Variants in PDE2A observed in about 807,000 individuals in gnomAD.
The protein encoded by PDE2A is cGMP-dependent 3',5'-cyclic phosphodiesterase.
In PDE2A, 53 loss-of-function variants were observed where a neutral mutation model predicts 133.6. The ratio of observed to expected loss-of-function variants is 0.40; its 90% confidence interval spans 0.32 to 0.50. PDE2A has a LOEUF of 0.50. PDE2A is among the 20% of genes least tolerant of loss of function. PDE2A has a pLI of 0.73. For synonymous variants in PDE2A, 491 were observed against 490.2 expected (o/e 1.00, Z -0.02); for missense variants, 796 against 1,232.4 (o/e 0.65, Z 5.30).
intron 2 of PDE2A, chr11:72,631,259 C>T: frequency 1.5e-6 from 1 of 688,766 alleles, no homozygotes; most frequent in African/African-American, 1.8e-5. Flanking sequence ...GGGAGCCTTG[C>T]CTGCTTGCAC....
chr11:72,580,721 C>T (rs1855687374), intron 24 of PDE2A, 97 bp from the exon 25 acceptor site: 1 of 1,111,352 alleles, frequency 9.0e-7, no homozygotes, highest in Non-Finnish European at 1.3e-6. Flanking sequence ...ACCTTTCTCC[C>T]CTCCTCCCTA....
At chr11:72,631,112 G>A in intron 2 of PDE2A, 1 of 1,547,816 alleles carries the variant, frequency 6.5e-7, no homozygotes. Flanking sequence ...TGGGGGTCCT[G>A]GCTCCTTTGC....
intron 4 of PDE2A, among the ~76,000 whole-genome samples, chr11:72,599,824 C>T (rs1856655794): frequency 1.3e-5 from 2 of 152,172 alleles, no homozygotes; most frequent in African/African-American, 2.4e-5. Flanking sequence ...GCCAAGAACA[C>T]GCAGAGATCA....
At chr11:72,631,970 C>A (rs1858412156) in intron 2 of PDE2A, among the ~76,000 whole-genome samples, 1 of 152,196 alleles carries the variant, frequency 6.6e-6, no homozygotes, top group South Asian at 2.1e-4. Context: ...GGCCGCCATG[C>A]CAGCCTGGCG....
chr11:72,585,919 C>CT (rs2135290663), intron 14 of PDE2A, 151 bp downstream of exon 14: 1 of 651,604 alleles, frequency 1.5e-6, no homozygotes, highest in South Asian at 1.8e-5. Context: ...TCCTGAACAA[C>CT]TGCAAGCCTT....
chr11:72,629,915 G>A (rs891710509), intron 2 of PDE2A, among the ~76,000 whole-genome samples: 2 of 152,272 alleles, frequency 1.3e-5, no homozygotes, highest in African/African-American at 4.8e-5. Flanking sequence ...ACACAGGAGG[G>A]CTGATACAAG....
At chr11:72,650,876 TACACACACACACACACACACACACAC>T (rs58905066) in intron 1 of PDE2A, among the ~76,000 whole-genome samples, 9 of 130,386 alleles carry the variant, frequency 6.9e-5, no homozygotes, top group East Asian at 2.4e-4. Flanking sequence ...CAGTCCCCAC[TACACACACACACACACACACACACAC>T]ACACACACAC....
chr11:72,599,283 C>A (rs1361587622), intron 4 of PDE2A, among the ~76,000 whole-genome samples: 1 of 152,066 alleles, frequency 6.6e-6, no homozygotes, highest in Non-Finnish European at 1.5e-5. Context: ...CCTCTGTGCT[C>A]ACGGCCTCAT....
Position 72,597,755 on chromosome 11 carries a change from C to G in PDE2A, c.324-136G>C. 1 of 605,416 alleles carries G rather than the reference C, an allele frequency of 1.7e-6. No individual in the cohort carries two copies. The highest frequency in any genetic ancestry group is 2.9e-6 in the Non-Finnish European group (1 of 339,666). 37.5% of individuals were successfully genotyped at this position (605,416 alleles called of 1,614,324 possible). ...AAGCTGACCTGCCTCAGGTTGGACACGATGACAGCACAAGTAAAAAAGTAG... is the reference window on the plus strand; with the variant it reads ...AAGCTGACCTGCCTCAGGTTGGACAGGATGACAGCACAAGTAAAAAAGTAG... On this transcript the variant is annotated intron_variant, in intron 4 of 30. Transcript: ENST00000334456. The surrounding 1 kb of genome is among the most constrained non-coding windows in gnomAD (Gnocchi z 4.6).
intron 22 of PDE2A, 45 bp from the exon 23 acceptor site, chr11:72,581,524 C>T: frequency 6.4e-7 from 1 of 1,551,668 alleles, no homozygotes; most frequent in South Asian, 1.2e-5. Context: ...GCCTCTCCTC[C>T]TCCATCACGG....
intron 2 of PDE2A, among the ~76,000 whole-genome samples, chr11:72,623,387 C>T (rs71477735): frequency 2.0e-5 from 3 of 152,262 alleles, no homozygotes; most frequent in South Asian, 4.2e-4. Context: ...CTTCTCACCT[C>T]CCCGGCCTCT....
chr11:72,626,647 C>T (rs1304439713), intron 2 of PDE2A, among the ~76,000 whole-genome samples: 1 of 152,222 alleles, frequency 6.6e-6, no homozygotes, highest in Non-Finnish European at 1.5e-5. Context: ...CCTGCCCACA[C>T]TCTCGCACAA....
chr11:72,639,346 C>A (rs1356963632), intron 2 of PDE2A, among the ~76,000 whole-genome samples: 1 of 152,204 alleles, frequency 6.6e-6, no homozygotes, highest in Non-Finnish European at 1.5e-5. Context: ...TGCAGCCACA[C>A]AGAGAAGGGG....
chr11:72,603,533 G>A (rs372024220), intron 4 of PDE2A, among the ~76,000 whole-genome samples: 2 of 152,184 alleles, frequency 1.3e-5, no homozygotes, highest in African/African-American at 4.8e-5. Context: ...TCCCAGGAAG[G>A]CCTCCCAGGC....
intron 1 of PDE2A, among the ~76,000 whole-genome samples, chr11:72,673,789 C>T (rs1393571758): frequency 6.6e-6 from 1 of 151,910 alleles, no homozygotes; most frequent in African/African-American, 2.4e-5. Flanking sequence ...CCGAGAGCTC[C>T]TCCCAACTAC....
intron 2 of PDE2A, chr11:72,636,153 C>A (rs1465860196): frequency 8.7e-7 from 1 of 1,154,758 alleles, no homozygotes; most frequent in Admixed American, 2.5e-5. Flanking sequence ...GAGGAGGGGC[C>A]CTGCCGGCTA....
chr11:72,623,541 C>T (rs143898019), intron 2 of PDE2A, among the ~76,000 whole-genome samples: 141 of 152,288 alleles, frequency 9.3e-4, no homozygotes, highest in Middle Eastern at 3.4e-3. Flanking sequence ...TATCCCTAGC[C>T]TGGCCCCGCT....
chr11:72,582,702 C>T, intron 20 of PDE2A, 136 bp from the exon 21 acceptor site: 2 of 843,958 alleles, frequency 2.4e-6, no homozygotes. Context: ...TGGACTGTAA[C>T]TGGGCAGGAA....
rs1240015122 is a variant in PDE2A, at chr11:72,674,192, C to G, written c.16G>C (p.Gly6Arg). 4 of 1,611,190 alleles carry G rather than the reference C, an allele frequency of 2.5e-6. No homozygotes were observed. In the East Asian group the frequency reaches 8.9e-5, roughly 36 times the overall value. Reference protein sequence around the residue: MGQACGHSILCRSQQY... With the variant: MGQACRHSILCRSQQY... ...TGGCTCCTGCAGAGGATGGAGTGGC[C>G]GCATGCCTGCCCCATCACTCCTCAT... Residue 6 changes from glycine (G) to arginine (R), a missense_variant, in exon 1 of 31, where the codon GGC (glycine) becomes CGC (arginine). Gly to Arg is a moderately radical substitution (Grantham distance 125). Transcript: ENST00000334456.
Sources: gnomAD v4.1 joint callset for allele counts (sites outside exome capture counted in the v4.1 genomes callset) on GRCh38, gnomAD v4.1.1 for gene constraint, Gnocchi (gnomAD v3.1) non-coding constraint, MANE v1.5 for transcripts, NCBI Gene and HGNC (gene_info 2026-07-23, HGNC 2026-07-21) for gene names.